Variants in CDK6 observed in about 807,000 individuals in gnomAD.
CDK6 encodes the protein cyclin dependent kinase 6.
CDK6 carries 6 observed loss-of-function variants against 37.1 expected under a neutral mutation model. That is an observed-to-expected ratio of 0.16 (90% confidence interval 0.09 to 0.32). The LOEUF is 0.32. Ranked by LOEUF, CDK6 falls within the 10% of genes least tolerant of loss-of-function variation. The pLI is 1.00. For missense variants in CDK6, 224 were observed against 418.9 expected, an observed-to-expected ratio of 0.53 and a Z score of 4.06; for synonymous variants, 160 against 161.3, an observed-to-expected ratio of 0.99 and a Z score of 0.06.
chr7:92,662,934 G>T (rs1304183707), intron 5 of CDK6, among the ~76,000 whole-genome samples: 1 of 152,154 alleles, frequency 6.6e-6, no homozygotes, highest in Non-Finnish European at 1.5e-5. Context: ...AAAAGGCCGG[G>T]TTTTAGTTAC....
intron 2 of CDK6, among the ~76,000 whole-genome samples, chr7:92,816,539 T>C (rs1483615164): frequency 6.6e-6 from 1 of 152,030 alleles, no homozygotes. Context: ...TAAGAATCCA[T>C]GGATTAAAGA....
At chr7:92,665,779 A>G (rs1796942769) in intron 5 of CDK6, among the ~76,000 whole-genome samples, 1 of 152,248 alleles carries the variant, frequency 6.6e-6, no homozygotes, top group South Asian at 2.1e-4. Flanking sequence ...AGAAAAAAAT[A>G]TGGCCTAGTA....
chr7:92,831,471 G>A (rs1354879561), intron 2 of CDK6, among the ~76,000 whole-genome samples: 5 of 152,122 alleles, frequency 3.3e-5, no homozygotes, highest in Non-Finnish European at 5.9e-5. Flanking sequence ...TTCATCCTTC[G>A]GGATGTATTA....
At chr7:92,688,581 T>TCA (rs35953301) in intron 4 of CDK6, among the ~76,000 whole-genome samples, 16,151 of 127,258 alleles carry the variant, frequency 0.13, 967 homozygotes, top group South Asian at 0.15. Context: ...TACATATACA[T>TCA]CACACACACA....
At chr7:92,799,135 G>A (rs1278701148) in intron 2 of CDK6, among the ~76,000 whole-genome samples, 1 of 152,018 alleles carries the variant, frequency 6.6e-6, no homozygotes, top group African/African-American at 2.4e-5. Context: ...CACATTCCAT[G>A]TCCCCCAATT....
At chr7:92,659,420 ATAT>A (rs1418261338) in intron 5 of CDK6, among the ~76,000 whole-genome samples, 1 of 152,212 alleles carries the variant, frequency 6.6e-6, no homozygotes, top group Non-Finnish European at 1.5e-5. Flanking sequence ...TAAAAAAAAT[ATAT>A]TATTAAAAGT....
At chr7:92,671,232 G>C (rs940315863) in intron 5 of CDK6, 194 bp downstream of exon 5, 1 of 383,988 alleles carries the variant, frequency 2.6e-6, no homozygotes, top group Admixed American at 4.5e-5. Flanking sequence ...GAAGCTGCAA[G>C]CTACAGTCAT....
intron 4 of CDK6, among the ~76,000 whole-genome samples, chr7:92,710,519 C>T (rs1472726617): frequency 6.6e-6 from 1 of 152,170 alleles, no homozygotes; most frequent in Non-Finnish European, 1.5e-5. Context: ...GCAGAATTAC[C>T]TATCTCCAGA....
intron 5 of CDK6, among the ~76,000 whole-genome samples, chr7:92,657,105 T>C (rs1562926774): frequency 6.8e-6 from 1 of 146,108 alleles, no homozygotes; most frequent in Non-Finnish European, 1.5e-5. Context: ...GTTTTTCTCT[T>C]AAAAAAAAAA....
chr7:92,625,216 C>T (rs1795897302), intron 5 of CDK6, among the ~76,000 whole-genome samples: 1 of 132,110 alleles, frequency 7.6e-6, no homozygotes, highest in African/African-American at 3.1e-5. Flanking sequence ...TAAGTGGTAA[C>T]TAAACACACA....
chr7:92,614,278 T>C lies in CDK6; in HGVS notation c.*862A>G. The C allele has an allele frequency of 4.3e-6, 1 of 232,902 alleles. No homozygotes were observed. 14.4% of individuals were successfully genotyped at this position (232,902 alleles called of 1,614,324 possible). A position where few individuals can be genotyped will look rare whatever the true frequency, so the allele number is the denominator to read the frequency against. ...TTTCTATTCTTTTTTTTAAAATCTA[T>C]CTGAGGTACACTCCCTAAACCTATA... is the stretch of plus-strand genomic sequence containing the variant. On this transcript the variant is annotated 3_prime_UTR_variant, in exon 8 of 8. Transcript: ENST00000424848.
chr7:92,748,073 G>A (rs1002144425), intron 3 of CDK6, among the ~76,000 whole-genome samples: 2 of 152,076 alleles, frequency 1.3e-5, no homozygotes, highest in African/African-American at 4.8e-5. Flanking sequence ...AATACACAAT[G>A]GAAAATTCTT....
rs528745886 is a variant in CDK6, at chr7:92,808,826, A to G, written c.233+24265T>C. Among the ~76,000 whole-genome samples the G allele has an allele frequency of 5.3e-5, 8 of 152,314 alleles. No homozygotes were observed. In the South Asian group the frequency reaches 1.2e-3, roughly 24 times the overall value. On this transcript the variant is annotated intron_variant, in intron 2 of 7. Coordinates refer to ENST00000424848, the MANE Select transcript of CDK6 (RefSeq NM_001145306.2). ...TATTCAAAGGAATACATATTACTGC[A>G]TATTTTCAGTATGATTATGTAACAA...
intron 3 of CDK6, 85 bp downstream of exon 3, chr7:92,774,611 G>T (rs932599936): frequency 8.3e-7 from 1 of 1,210,480 alleles, no homozygotes; most frequent in Non-Finnish European, 1.1e-6. Flanking sequence ...TGTAATTGTG[G>T]CAATTTTCAT....
At chr7:92,785,401 G>A (rs1425643390) in intron 2 of CDK6, among the ~76,000 whole-genome samples, 1 of 152,110 alleles carries the variant, frequency 6.6e-6, no homozygotes, top group African/African-American at 2.4e-5. Flanking sequence ...GAGTGTGGAG[G>A]AATGGGGACT....
At chr7:92,682,733 T>C (rs1333104846) in intron 4 of CDK6, among the ~76,000 whole-genome samples, 3 of 152,206 alleles carry the variant, frequency 2.0e-5, no homozygotes, top group Non-Finnish European at 2.9e-5. Context: ...AGTGTTTCTA[T>C]TATAGTATAA....
intron 1 of CDK6, among the ~76,000 whole-genome samples, chr7:92,836,018 A>T (rs1435811530): frequency 1.3e-5 from 2 of 152,112 alleles, no homozygotes; most frequent in Non-Finnish European, 2.9e-5. Context: ...CGAGCTGGAG[A>T]GGGAGTTTTC....
intron 2 of CDK6, among the ~76,000 whole-genome samples, chr7:92,776,652 A>G (rs1799858375): frequency 6.6e-6 from 1 of 152,098 alleles, no homozygotes; most frequent in South Asian, 2.1e-4. Flanking sequence ...GCATTTCTCT[A>G]ATGAACAGTG....
intron 2 of CDK6, among the ~76,000 whole-genome samples, chr7:92,811,736 A>G (rs2071695840): frequency 6.6e-6 from 1 of 152,184 alleles, no homozygotes; most frequent in South Asian, 2.1e-4. Flanking sequence ...AGAGATGCAC[A>G]TAATATTAGA....
Sources: allele counts gnomAD v4.1 joint callset (sites outside exome capture counted in the v4.1 genomes callset), GRCh38; gene constraint gnomAD v4.1.1; transcripts MANE v1.5; gene names NCBI Gene and HGNC (gene_info 2026-07-23, HGNC 2026-07-21).